SPAG16: variants seen among roughly 807,000 people sequenced by gnomAD.
SPAG16 encodes sperm associated antigen 16.
In SPAG16, 86 loss-of-function variants were observed where a neutral mutation model predicts 80.4. The observed-to-expected ratio is 1.07, with a 90% CI of 0.90 to 1.28. SPAG16 has a LOEUF of 1.28. Among genes scored for constraint, SPAG16 ranks in the 50% most tolerant of loss-of-function variants. The probability of loss-of-function intolerance (pLI) is 0.00; values close to 1 mark genes in which losing one functional copy is unlikely to be tolerated. For missense variants in SPAG16, 870 were observed against 765.3 expected (o/e 1.14, Z -1.61); for synonymous variants, 294 against 265.9 (o/e 1.11, Z -1.03).
chr2:213,313,667 T>C (rs2063293206), intron 4 of SPAG16, among the ~76,000 whole-genome samples: 1 of 151,882 alleles, frequency 6.6e-6, no homozygotes, highest in Non-Finnish European at 1.5e-5. Context: ...CTTGGCTGGA[T>C]ACTAAAAGGA....
At chr2:213,635,635 C>A (rs868585744) in intron 10 of SPAG16, among the ~76,000 whole-genome samples, 1 of 151,692 alleles carries the variant, frequency 6.6e-6, no homozygotes, top group South Asian at 2.1e-4. Context: ...TATTGCATTG[C>A]GGTTTTGATT....
intron 10 of SPAG16, among the ~76,000 whole-genome samples, chr2:213,726,663 T>C (rs1386500398): frequency 6.6e-6 from 1 of 152,206 alleles, no homozygotes; most frequent in South Asian, 2.1e-4. Context: ...GCTTTGAACA[T>C]TTCAAGAGCT....
chr2:213,758,727 G>A lies in SPAG16; in HGVS notation c.1071-103758G>A, dbSNP rs75420745. The stretch of plus-strand genomic sequence containing the variant: ...ATCAAGGAGTCACAGGAGGAGAGGA[G>A]AAAGAGAAGAGAAAACTTGAAGAAA... On this transcript the variant is annotated intron_variant, in intron 10 of 15. Coordinates refer to ENST00000331683, the MANE Select transcript of SPAG16 (RefSeq NM_024532.5). Among the ~76,000 whole-genome samples, 32 of 152,134 alleles carry A rather than the reference G, an allele frequency of 2.1e-4. No individual in the cohort carries two copies. In the East Asian group the frequency reaches 6.2e-3, roughly 29 times the overall value.
intron 1 of SPAG16, among the ~76,000 whole-genome samples, chr2:213,289,271 C>T (rs1403462930): frequency 6.6e-6 from 1 of 152,212 alleles, no homozygotes; most frequent in Non-Finnish European, 1.5e-5. Flanking sequence ...GAGTCCATAT[C>T]TTTGGATCTC....
chr2:213,901,737 T>C (rs2077229233), intron 11 of SPAG16, among the ~76,000 whole-genome samples: 1 of 152,162 alleles, frequency 6.6e-6, no homozygotes, highest in Non-Finnish European at 1.5e-5. Flanking sequence ...ACAGCATCTA[T>C]TGGAAGATAC....
Position 213,718,923 on chromosome 2 carries a change from C to T in SPAG16, c.1071-143562C>T, listed in dbSNP as rs374815468. 3.1e-3 allele frequency among the ~76,000 whole-genome samples: 478 copies of T among 152,310 alleles called. 2 individuals carry two copies. The highest frequency in any genetic ancestry group is 4.9e-3 in the Non-Finnish European group (336 of 68,020). On this transcript the variant is annotated intron_variant, in intron 10 of 15. Transcript: ENST00000331683. ...GGCAGCTCCACCTGCAGCCCTGGTGCGGGATCCACTAGGTGAAGCCAGCTG... is the reference window on the plus strand; with the variant it reads ...GGCAGCTCCACCTGCAGCCCTGGTGTGGGATCCACTAGGTGAAGCCAGCTG...
chr2:213,894,261 AT>A (rs1442245990), intron 11 of SPAG16, among the ~76,000 whole-genome samples: 1 of 152,162 alleles, frequency 6.6e-6, no homozygotes, highest in Non-Finnish European at 1.5e-5. Flanking sequence ...AGTGGGATTC[AT>A]CTCAGGAGTG....
chr2:213,769,209 G>C (rs1369527920), intron 10 of SPAG16, among the ~76,000 whole-genome samples: 6 of 152,096 alleles, frequency 3.9e-5, no homozygotes, highest in Non-Finnish European at 7.4e-5. Flanking sequence ...TAAATGTTTG[G>C]GGATACATTT....
intron 10 of SPAG16, among the ~76,000 whole-genome samples, chr2:213,809,340 G>T (rs562323192): frequency 6.6e-6 from 1 of 152,222 alleles, no homozygotes; most frequent in African/African-American, 2.4e-5. Context: ...TCTGTGGAAA[G>T]GTGGACTTGG....
intron 14 of SPAG16, among the ~76,000 whole-genome samples, chr2:214,113,685 G>A (rs1176703691): frequency 3.9e-5 from 6 of 152,126 alleles, no homozygotes. Context: ...GTCATTTAAG[G>A]TATTCTCTAC....
rs753042887 is a variant in SPAG16 at position 213,340,194 on chromosome 2, A to G, written c.568A>G (p.Lys190Glu). 2 of 1,611,492 alleles carry G rather than the reference A, an allele frequency of 1.2e-6. No homozygotes were observed. The highest frequency in any genetic ancestry group is 1.7e-6 in the Non-Finnish European group (2 of 1,179,088). The change falls in exon 6 of 16, where the codon AAA becomes GAA. Residue 190 changes from lysine to glutamate, a missense_variant. Lys to Glu is a moderately conservative substitution (Grantham distance 56). Transcript: ENST00000331683. ...TAGAGAAGATTTGCTGAAAATTCAGAAAGAACGTGATTTTCATCGAATGCA... is the reference window on the plus strand; with the variant it reads ...TAGAGAAGATTTGCTGAAAATTCAGGAAGAACGTGATTTTCATCGAATGCA... Reference protein sequence around the residue: ...KAREDLLKIQKERDFHRMHHK... With the variant: ...KAREDLLKIQEERDFHRMHHK...
chr2:213,645,100 A>C (rs1223358961), intron 10 of SPAG16, among the ~76,000 whole-genome samples: 2 of 152,088 alleles, frequency 1.3e-5, no homozygotes, highest in Non-Finnish European at 2.9e-5. Context: ...TCCCTTTCCA[A>C]AGGCAGAGGA....
chr2:214,041,976 G>GTATATATATATATA (rs1412300296), intron 13 of SPAG16, among the ~76,000 whole-genome samples: 3 of 88,272 alleles, frequency 3.4e-5, no homozygotes, highest in African/African-American at 1.6e-4. Context: ...GTGTCTGTGT[G>GTATATATATATATA]TGTATATATA....
At chr2:213,878,465 T>C (rs879159582) in intron 11 of SPAG16, among the ~76,000 whole-genome samples, 1 of 152,028 alleles carries the variant, frequency 6.6e-6, no homozygotes, top group East Asian at 1.9e-4. Context: ...AAAATATCTA[T>C]TCATTTTCTT....
chr2:213,855,457 C>T (rs376609570), intron 10 of SPAG16, among the ~76,000 whole-genome samples: 1 of 152,188 alleles, frequency 6.6e-6, no homozygotes, highest in African/African-American at 2.4e-5. Context: ...TAGTGGTAAA[C>T]GTAACTCATA....
In SPAG16 at chr2:214,012,282, A is replaced by ATTTTTT. The variant is rs1286363943; in HGVS notation, c.1401-1668_1401-1667insTTTTTT. Among the ~76,000 whole-genome samples the ATTTTTT allele has an allele frequency of 1.1e-3, 54 of 50,678 alleles. 2 individuals are homozygous for ATTTTTT. The highest frequency in any genetic ancestry group is 4.6e-3 in the South Asian group (3 of 646). 33.2% of individuals were successfully genotyped at this position (50,678 alleles called of 152,430 possible). Reference sequence around the variant, plus strand: ...TACATATATATATATATATATATATATATATATTTTTTTTTTTTTTTTTTT... The same window carrying ATTTTTT: ...TACATATATATATATATATATATATATTTTTTTATATATTTTTTTTTTTTTTTTTTT... On this transcript the variant is annotated intron_variant, in intron 12 of 15. Coordinates refer to ENST00000331683, the MANE Select transcript of SPAG16 (RefSeq NM_024532.5).
At chr2:213,418,180 A>G (rs957554888) in intron 9 of SPAG16, among the ~76,000 whole-genome samples, 1 of 152,178 alleles carries the variant, frequency 6.6e-6, no homozygotes, top group African/African-American at 2.4e-5. Flanking sequence ...CCTACAGCAT[A>G]TATACTATTA....
chr2:214,255,595 A>C (rs933170539), intron 15 of SPAG16, among the ~76,000 whole-genome samples: 2 of 151,964 alleles, frequency 1.3e-5, no homozygotes, highest in African/African-American at 4.8e-5. Flanking sequence ...GTGCAACTCA[A>C]ATCTCTACCA....
chr2:214,157,509 A>G (rs952489460), intron 15 of SPAG16, among the ~76,000 whole-genome samples: 1 of 152,096 alleles, frequency 6.6e-6, no homozygotes, highest in Non-Finnish European at 1.5e-5. Flanking sequence ...TATTAATAAT[A>G]ATGGGGACAC....
Sources: gnomAD v4.1 joint callset for allele counts (sites outside exome capture counted in the v4.1 genomes callset) on GRCh38, gnomAD v4.1.1 for gene constraint, MANE v1.5 for transcripts, NCBI Gene and HGNC (gene_info 2026-07-23, HGNC 2026-07-21) for gene names.